XKR8: variants seen among roughly 807,000 people sequenced by gnomAD.
The protein encoded by XKR8 is XK-related protein 8.
XKR8 carries 10 observed loss-of-function variants against 17.1 expected under a neutral mutation model. The observed-to-expected ratio is 0.59, with a 90% CI of 0.36 to 0.99. The LOEUF (loss-of-function observed/expected upper bound fraction) is 0.99, where lower values mean the gene tolerates loss of function less well. Among genes scored for constraint, XKR8 ranks in the 50% least tolerant of loss-of-function variants. XKR8 has a pLI of 0.01. For synonymous variants in XKR8, 213 were observed against 251.9 expected (o/e 0.85, Z 1.46); for missense variants, 411 against 515.6 (o/e 0.80, Z 1.96).
In XKR8 at chr1:27,963,034, G is replaced by GT. The variant is rs1227700416; in HGVS notation, c.294-455dup. Among the ~76,000 whole-genome samples the GT allele has an allele frequency of 1.9e-4, 29 of 151,678 alleles. No homozygotes were observed. In the South Asian group the frequency reaches 5.4e-3, roughly 28 times the overall value. Reference sequence around the variant, plus strand: ...TATTGATCCCCATTTTTGCTTTTTTGTTTTTTTTGAGACGGAGTCTTGTTC... The same window carrying GT: ...TATTGATCCCCATTTTTGCTTTTTTGTTTTTTTTTGAGACGGAGTCTTGTTC... On this transcript the variant is annotated intron_variant, in intron 1 of 2. Transcript: ENST00000373884.
rs1178247289 is a variant in XKR8, at chr1:27,960,099, T to C, written c.30T>C (p.Leu10=). 2 of 1,458,700 alleles carry C rather than the reference T, an allele frequency of 1.4e-6. No individual in the cohort carries two copies. Among genetic ancestry groups the C allele is most frequent in the Admixed American group, 2.3e-5 (1 of 44,234 alleles). The allele number at this position is 1,458,700 out of a possible 1,614,324, so 90.4% of individuals were successfully genotyped here. MPWSSRGAL[L]RDLVLGVLGT... ...CCTGGTCGTCCCGCGGCGCCCTCCT[T>C]CGGGACCTGGTCCTGGGCGTGCTGG... Residue 10 remains leucine (L), a synonymous_variant, in exon 1 of 3, where the codon CTT becomes CTC. Coordinates refer to ENST00000373884, the MANE Select transcript of XKR8 (RefSeq NM_018053.4). The surrounding 1 kb of genome is among the most constrained non-coding windows in gnomAD (Gnocchi z 5.9).
At chr1:27,963,200 T>C (rs1638502860) in intron 1 of XKR8, among the ~76,000 whole-genome samples, 1 of 152,108 alleles carries the variant, frequency 6.6e-6, no homozygotes, top group African/African-American at 2.4e-5. Context: ...ATTTTTTGTA[T>C]TAGTAGAGAC....
At position 27,966,596 on chromosome 1, in the gene XKR8, T is replaced by A; in HGVS notation, c.584T>A (p.Leu195Gln). Residue 195 changes from leucine to glutamine, a missense_variant, in exon 3 of 3, where the codon CTG (leucine) becomes CAG (glutamine). Coordinates refer to ENST00000373884, the MANE Select transcript of XKR8 (RefSeq NM_018053.4). This position sits in a 1 kb window ranked among gnomAD's most constrained non-coding sequence, Gnocchi z 4.3. Reference sequence around the variant, plus strand: ...ACCTGCCTCCCCTCCAAGCCGCTCCTGGGCCTGGGCTCCTCCGTGATCTAC... The same window carrying A: ...ACCTGCCTCCCCTCCAAGCCGCTCCAGGGCCTGGGCTCCTCCGTGATCTAC... Reference protein sequence around the residue: ...LRTCLPSKPLLGLGSSVIYFL... With the variant: ...LRTCLPSKPLQGLGSSVIYFL... The A allele has an allele frequency of 6.2e-7, 1 of 1,614,134 alleles. No individual in the cohort carries two copies. Among genetic ancestry groups the A allele is most frequent in the Non-Finnish European group, 8.5e-7 (1 of 1,180,014 alleles).
chr1:27,963,398 G>A, intron 1 of XKR8, 99 bp from the exon 2 acceptor site: 1 of 1,392,970 alleles, frequency 7.2e-7, no homozygotes, highest in Admixed American at 2.4e-5. Flanking sequence ...GATGTGAGGA[G>A]ACAGGTTGGA....
At position 27,966,940 on chromosome 1, in the gene XKR8, C is replaced by G. The variant is rs769182126; in HGVS notation, c.928C>G (p.Leu310Val). 1 of 1,614,206 alleles carries G rather than the reference C, an allele frequency of 6.2e-7. No individual in the cohort carries two copies. The highest frequency in any genetic ancestry group is 1.7e-5 in the Admixed American group (1 of 60,032). The change falls in exon 3 of 3, where the codon CTG becomes GTG. Residue 310 changes from leucine (L) to valine (V), a missense_variant. Coordinates refer to ENST00000373884, the MANE Select transcript of XKR8 (RefSeq NM_018053.4). This position sits in a 1 kb window ranked among gnomAD's most constrained non-coding sequence, Gnocchi z 4.3. The part of the protein sequence containing the change: ...VATWVTHSSW[L>V]PSGIPLQLWL... ...CACCTGGGTGACTCATAGCTCCTGG[C>G]TGCCCAGCGGGATTCCACTGCAGCT... is the stretch of plus-strand genomic sequence containing the variant.
Position 27,965,093 on chromosome 1 carries a change from T to G in XKR8, c.490+1400T>G, listed in dbSNP as rs1334124649. ...GGGAAGCACTTACAGTCATCATTGC[T>G]CATGTTCACAGCAGCCCTGTAGGTT... On this transcript the variant is annotated intron_variant, in intron 2 of 2. Coordinates refer to ENST00000373884, the MANE Select transcript of XKR8 (RefSeq NM_018053.4). The surrounding 1 kb of genome is among the most constrained non-coding windows in gnomAD (Gnocchi z 4.1). 6.6e-6 allele frequency among the ~76,000 whole-genome samples: 1 copy of G among 152,186 alleles called. No individual in the cohort carries two copies. The highest frequency in any genetic ancestry group is 1.5e-5 in the Non-Finnish European group (1 of 68,034).
Position 27,967,539 on chromosome 1 carries a change from C to T in XKR8, c.*339C>T, listed in dbSNP as rs992143678. ...CCAAAACTTCCACCTCCCTCCCTGG[C>T]TACCTCTAAAATGACTGGTATAGGT... is the stretch of plus-strand genomic sequence containing the variant. On this transcript the variant is annotated 3_prime_UTR_variant, in exon 3 of 3. Coordinates refer to ENST00000373884, the MANE Select transcript of XKR8 (RefSeq NM_018053.4). The surrounding 1 kb of genome is among the most constrained non-coding windows in gnomAD (Gnocchi z 4.3). The T allele has an allele frequency of 4.0e-5, 8 of 199,980 alleles. No individual in the cohort carries two copies. The Admixed American group carries it at 4.3e-4, about 11-fold the overall frequency. The allele number at this position is 199,980 out of a possible 1,614,324, so 12.4% of individuals were successfully genotyped here.
chr1:27,960,136 T>C lies in XKR8; in HGVS notation c.67T>C (p.Phe23Leu). 1 of 1,521,386 alleles carries C rather than the reference T, an allele frequency of 6.6e-7. No homozygotes were observed. Among genetic ancestry groups the C allele is most frequent in the East Asian group, 2.5e-5 (1 of 39,380 alleles). The allele number at this position is 1,521,386 out of a possible 1,614,324, so 94.2% of individuals were successfully genotyped here. A position where few individuals can be genotyped will look rare whatever the true frequency, so the allele number is the denominator to read the frequency against. ...CCTGGGCGTGCTGGGCACCGCCGCCTTCCTGCTCGACCTGGGCACCGACCT... is the reference window on the plus strand; with the variant it reads ...CCTGGGCGTGCTGGGCACCGCCGCCCTCCTGCTCGACCTGGGCACCGACCT... ...LVLGVLGTAA[F>L]LLDLGTDLWA... Residue 23 changes from phenylalanine to leucine, a missense_variant, in exon 1 of 3, where the codon TTC (phenylalanine) becomes CTC (leucine). Phe to Leu is a conservative substitution (Grantham distance 22). Coordinates refer to ENST00000373884, the MANE Select transcript of XKR8 (RefSeq NM_018053.4). This position sits in a 1 kb window ranked among gnomAD's most constrained non-coding sequence, Gnocchi z 5.9.
chr1:27,963,644 G>A lies in XKR8; in HGVS notation c.441G>A (p.Thr147=), dbSNP rs142513353. The A allele has an allele frequency of 3.9e-3, 6,263 of 1,608,424 alleles. 20 individuals are homozygous for A. The highest frequency in any genetic ancestry group is 4.7e-3 in the Non-Finnish European group (5,532 of 1,177,428). ...ETFLETAPQL[T]LVLAIMLQSG... ...TCTTGGAGACGGCACCACAGCTCAC[G>A]CTGGTGCTGGCCATCATGCTGCAGA... The change falls in exon 2 of 3, where the codon ACG becomes ACA. Residue 147 remains threonine (T), a synonymous_variant. Transcript: ENST00000373884.
chr1:27,964,595 A>G (rs1395943512), intron 2 of XKR8, among the ~76,000 whole-genome samples: 1 of 152,174 alleles, frequency 6.6e-6, no homozygotes, highest in Non-Finnish European at 1.5e-5. Flanking sequence ...AGTGAACAAG[A>G]TGAACCCAGC....
In XKR8 at chr1:27,966,389, G is replaced by A; in HGVS notation, c.491-114G>A. The A allele has an allele frequency of 9.7e-7, 1 of 1,032,658 alleles. No homozygotes were observed. The highest frequency in any genetic ancestry group is 1.4e-6 in the Non-Finnish European group (1 of 708,708). The allele number at this position is 1,032,658 out of a possible 1,614,324, so 64.0% of individuals were successfully genotyped here. A position where few individuals can be genotyped will look rare whatever the true frequency, so the allele number is the denominator to read the frequency against. On this transcript the variant is annotated intron_variant, in intron 2 of 2. Coordinates refer to ENST00000373884, the MANE Select transcript of XKR8 (RefSeq NM_018053.4). The surrounding 1 kb of genome is among the most constrained non-coding windows in gnomAD (Gnocchi z 4.3). ...TGCAGATTTGCCTTCAACAAACGAG[G>A]GATTCTAATACCTACCCCAGGGTTG...
intron 1 of XKR8, among the ~76,000 whole-genome samples, chr1:27,961,951 C>G (rs1347032995): frequency 6.6e-6 from 1 of 152,190 alleles, no homozygotes; most frequent in African/African-American, 2.4e-5. Flanking sequence ...AAACTCTGGA[C>G]TCTCTTAACT....
rs1309445905 is a variant in XKR8 at position 27,967,299 on chromosome 1, T to C, written c.*99T>C. On this transcript the variant is annotated 3_prime_UTR_variant, in exon 3 of 3. Transcript: ENST00000373884. The surrounding 1 kb of genome is among the most constrained non-coding windows in gnomAD (Gnocchi z 4.3). ...GGCGAGGATAAGCTAACGATGCTGC[T>C]GTGGCCTCTATGCACTCAGCAAGAG... 7.4e-7 allele frequency: 1 copy of C among 1,358,014 alleles called. No homozygotes were observed. The highest frequency in any genetic ancestry group is 1.5e-5 in the African/African-American group (1 of 68,392). 84.1% of individuals were successfully genotyped at this position (1,358,014 alleles called of 1,614,324 possible).
rs115780563 is a variant in XKR8 at position 27,963,726 on chromosome 1, G to C, written c.490+33G>C. On this transcript the variant is annotated intron_variant, in intron 2 of 2. Coordinates refer to ENST00000373884, the MANE Select transcript of XKR8 (RefSeq NM_018053.4). ...AAGGCCTGTGGCTGGCCCCCCTGTC[G>C]TGGCTTGGTGGGGGGTCTCTCAAAT... The C allele has an allele frequency of 8.3e-3, 12,234 of 1,479,746 alleles. 74 individuals are homozygous for C. The highest frequency in any genetic ancestry group is 0.027 in the Middle Eastern group (133 of 4,924). The allele number at this position is 1,479,746 out of a possible 1,614,324, so 91.7% of individuals were successfully genotyped here. A position where few individuals can be genotyped will look rare whatever the true frequency, so the allele number is the denominator to read the frequency against.
In XKR8 at chr1:27,960,312, G is replaced by C. The variant is rs1339277069; in HGVS notation, c.243G>C (p.Pro81=). The C allele has an allele frequency of 7.0e-7, 1 of 1,435,250 alleles. No homozygotes were observed. The highest frequency in any genetic ancestry group is 9.1e-7 in the Non-Finnish European group (1 of 1,102,384). The allele number at this position is 1,435,250 out of a possible 1,614,324, so 88.9% of individuals were successfully genotyped here. The change falls in exon 1 of 3, where the codon CCG becomes CCC. Residue 81 remains proline (P), a synonymous_variant. Coordinates refer to ENST00000373884, the MANE Select transcript of XKR8 (RefSeq NM_018053.4). This position sits in a 1 kb window ranked among gnomAD's most constrained non-coding sequence, Gnocchi z 5.9. ...DPAGLHGSQP[P]RRCLALLHLL... is the part of the protein sequence containing the mutation. ...CCGGCCTGCACGGGTCGCAGCCCCC[G>C]CGCCGCTGCCTGGCGCTGCTGCATC...
Position 27,966,692 on chromosome 1 carries a change from G to A in XKR8, c.680G>A (p.Ser227Asn). 1.2e-6 allele frequency: 2 copies of A among 1,614,158 alleles called. No individual in the cohort carries two copies. The highest frequency in any genetic ancestry group is 1.7e-6 in the Non-Finnish European group (2 of 1,180,028). ...GCCCTGTTCTCAGCCCTCTTCCCCA[G>A]CTATGTGGCCCTGCACTTCCTGGGC... ...AVALFSALFP[S>N]YVALHFLGLW... Residue 227 changes from serine to asparagine, a missense_variant, in exon 3 of 3, where the codon AGC becomes AAC. By Grantham distance (46) the Ser-to-Asn change is conservative. Coordinates refer to ENST00000373884, the MANE Select transcript of XKR8 (RefSeq NM_018053.4). The surrounding 1 kb of genome is among the most constrained non-coding windows in gnomAD (Gnocchi z 4.3).
intron 2 of XKR8, among the ~76,000 whole-genome samples, chr1:27,963,957 G>A (rs972644554): frequency 1.2e-4 from 19 of 152,066 alleles, no homozygotes; most frequent in African/African-American, 4.6e-4. Context: ...AGGATTAAAT[G>A]AGGTGATGCA....
rs774077517 is a variant in XKR8 at position 27,960,061 on chromosome 1, C to T, written c.-9C>T. The T allele has an allele frequency of 2.0e-5, 28 of 1,423,018 alleles. No homozygotes were observed. In the South Asian group the frequency reaches 3.0e-4, roughly 15 times the overall value. 88.1% of individuals were successfully genotyped at this position (1,423,018 alleles called of 1,614,324 possible). The stretch of plus-strand genomic sequence containing the variant: ...CGGAGGAGCAGGAGAGGGCGGAGGC[C>T]GGCGGGCCATGCCCTGGTCGTCCCG... On this transcript the variant is annotated 5_prime_UTR_variant, in exon 1 of 3. Coordinates refer to ENST00000373884, the MANE Select transcript of XKR8 (RefSeq NM_018053.4). The surrounding 1 kb of genome is among the most constrained non-coding windows in gnomAD (Gnocchi z 5.9).
chr1:27,964,350 G>A (rs1325730809), intron 2 of XKR8: 3 of 152,018 alleles, frequency 2.0e-5, no homozygotes, highest in Admixed American at 2.0e-4. Flanking sequence ...AAGTGTGTAA[G>A]GTGCCTGATA....
Sources: gnomAD v4.1 joint callset for allele counts (sites outside exome capture counted in the v4.1 genomes callset) on GRCh38, gnomAD v4.1.1 for gene constraint, Gnocchi (gnomAD v3.1) non-coding constraint, MANE v1.5 for transcripts, NCBI Gene and HGNC (gene_info 2026-07-23, HGNC 2026-07-21) for gene names.